Variants in CTNNA2 observed in about 807,000 individuals in gnomAD.
CTNNA2 encodes the protein catenin alpha-2.
CTNNA2 carries 42 observed loss-of-function variants against 101.0 expected under a neutral mutation model. That is an observed-to-expected ratio of 0.42 (90% confidence interval 0.32 to 0.54). The LOEUF (loss-of-function observed/expected upper bound fraction) is 0.54, where lower values mean the gene tolerates loss of function less well. CTNNA2 is among the 20% of genes least tolerant of loss of function. The pLI, the probability that CTNNA2 is intolerant of heterozygous loss-of-function variation, is 0.14. For synonymous variants in CTNNA2, 450 were observed against 456.4 expected (o/e 0.99, Z 0.18); for missense variants, 871 against 1,223.1 (o/e 0.71, Z 4.29).
At chr2:79,888,077 T>C (rs534870932) in intron 6 of CTNNA2, among the ~76,000 whole-genome samples, 1 of 152,168 alleles carries the variant, frequency 6.6e-6, no homozygotes, top group East Asian at 1.9e-4. Flanking sequence ...CGTCAAAAAG[T>C]GTTTAGTCTA....
chr2:80,215,417 T>C (rs1245974469), intron 7 of CTNNA2, among the ~76,000 whole-genome samples: 1 of 152,214 alleles, frequency 6.6e-6, no homozygotes, highest in African/African-American at 2.4e-5. Context: ...TCTTTGATGA[T>C]GGCGATGTAC....
intron 7 of CTNNA2, among the ~76,000 whole-genome samples, chr2:80,308,476 C>A (rs1469837122): frequency 6.6e-6 from 1 of 152,122 alleles, no homozygotes; most frequent in Non-Finnish European, 1.5e-5. Context: ...GTGGGAGTCA[C>A]AATTTCAAAA....
chr2:79,685,761 G>A (rs1238497684), intron 2 of CTNNA2, among the ~76,000 whole-genome samples: 1 of 152,150 alleles, frequency 6.6e-6, no homozygotes, highest in East Asian at 1.9e-4. Flanking sequence ...AGAGCAATTA[G>A]CATTCGCTGC....
chr2:79,697,607 G>A (rs1389776254), intron 2 of CTNNA2, among the ~76,000 whole-genome samples: 1 of 152,028 alleles, frequency 6.6e-6, no homozygotes, highest in African/African-American at 2.4e-5. Flanking sequence ...GTGGCATTAA[G>A]CCAAACTGTG....
chr2:80,374,126 TG>T (rs946434515), intron 7 of CTNNA2, among the ~76,000 whole-genome samples: 1 of 152,156 alleles, frequency 6.6e-6, no homozygotes, highest in African/African-American at 2.4e-5. Flanking sequence ...GTTATATTGA[TG>T]GACTGTATGA....
At chr2:79,514,491 T>C (rs1298735815) in intron 1 of CTNNA2, 1 of 152,246 alleles carries the variant, frequency 6.6e-6, no homozygotes, top group African/African-American at 2.4e-5. Flanking sequence ...GCTGTTGGTT[T>C]TACATCACTT....
chr2:79,838,327 T>C (rs1679546852), intron 3 of CTNNA2, among the ~76,000 whole-genome samples: 1 of 152,078 alleles, frequency 6.6e-6, no homozygotes. Flanking sequence ...GAGGAAAGTA[T>C]GCTGGCCATG....
chr2:79,206,287 GA>G (rs561219212), intron 2 of CTNNA2, among the ~76,000 whole-genome samples: 16,445 of 122,234 alleles, frequency 0.13, 1,076 homozygotes, highest in Non-Finnish European at 0.18. Context: ...GTTTGAATAA[GA>G]AAAAAAAAAA....
intron 2 of CTNNA2, among the ~76,000 whole-genome samples, chr2:79,199,071 T>C (rs564109799): frequency 6.6e-6 from 1 of 152,256 alleles, no homozygotes; most frequent in Admixed American, 6.5e-5. Context: ...ATGAGAATTA[T>C]TCTGCATCAT....
At position 80,303,765 on chromosome 2, in the gene CTNNA2, C is replaced by T; in HGVS notation, c.1057-89446C>T. 6.4e-7 allele frequency: 1 copy of T among 1,570,394 alleles called. No individual in the cohort carries two copies. Among genetic ancestry groups the T allele is most frequent in the Non-Finnish European group, 8.6e-7 (1 of 1,159,462 alleles). On this transcript the variant is annotated intron_variant, in intron 7 of 18. Transcript: ENST00000402739. This position sits in a 1 kb window ranked among gnomAD's most constrained non-coding sequence, Gnocchi z 7.7. ...GCCCCCAGCAGACACAAGACCACCC[C>T]CGAGGGCCTCCTCAGCAGCCAGTAT...
chr2:80,246,015 C>T (rs549225769), intron 7 of CTNNA2, among the ~76,000 whole-genome samples: 59 of 151,952 alleles, frequency 3.9e-4, no homozygotes, highest in Non-Finnish European at 7.2e-4. Flanking sequence ...AGGACGGTCT[C>T]GATCTCCTGA....
intron 2 of CTNNA2, among the ~76,000 whole-genome samples, chr2:79,742,226 T>C (rs1671334774): frequency 6.6e-6 from 1 of 152,064 alleles, no homozygotes; most frequent in African/African-American, 2.4e-5. Context: ...CTCCAGAAAA[T>C]GAACCCACAT....
intron 7 of CTNNA2, among the ~76,000 whole-genome samples, chr2:80,073,634 A>G (rs1485637919): frequency 6.6e-6 from 1 of 151,478 alleles, no homozygotes; most frequent in East Asian, 2.0e-4. Context: ...TTTTGGGCTA[A>G]TGGGTCTCAG....
At chr2:80,282,497 A>T (rs1017692532) in intron 7 of CTNNA2, among the ~76,000 whole-genome samples, 12 of 152,246 alleles carry the variant, frequency 7.9e-5, no homozygotes, top group African/African-American at 2.9e-4. Flanking sequence ...ACAGAAGTAG[A>T]TAGAATAATA....
At chr2:80,390,640 A>G (rs1400566560) in intron 7 of CTNNA2, among the ~76,000 whole-genome samples, 1 of 152,210 alleles carries the variant, frequency 6.6e-6, no homozygotes, top group Non-Finnish European at 1.5e-5. Context: ...AATTTTAGGT[A>G]AACAATAATT....
chr2:79,961,709 C>G (rs1689641655), intron 7 of CTNNA2, among the ~76,000 whole-genome samples: 1 of 151,504 alleles, frequency 6.6e-6, no homozygotes, highest in South Asian at 2.1e-4. Flanking sequence ...GTAGTCCCAG[C>G]TACTCGGGAG....
chr2:80,591,457 G>GTTTTGTTTTTTTTTTTTTT (rs1696486168), intron 15 of CTNNA2, among the ~76,000 whole-genome samples: 1 of 70,314 alleles, frequency 1.4e-5, no homozygotes, highest in African/African-American at 4.6e-5. Flanking sequence ...TGCACAGCCT[G>GTTTTGTTTTTTTTTTTTTT]TTTTTTTTTT....
At chr2:80,522,144 G>A (rs1045442736) in intron 9 of CTNNA2, among the ~76,000 whole-genome samples, 12 of 152,272 alleles carry the variant, frequency 7.9e-5, no homozygotes, top group African/African-American at 2.4e-4. Flanking sequence ...TCTGAACAAA[G>A]GTCATGTCCA....
At chr2:79,665,877 G>A (rs897002055) in intron 2 of CTNNA2, among the ~76,000 whole-genome samples, 6 of 152,196 alleles carry the variant, frequency 3.9e-5, no homozygotes, top group African/African-American at 1.4e-4. Context: ...TGAATATGAT[G>A]TTATTACCAA....
Sources: allele counts gnomAD v4.1 joint callset (sites outside exome capture counted in the v4.1 genomes callset), GRCh38; gene constraint gnomAD v4.1.1; non-coding constraint Gnocchi (gnomAD v3.1); transcripts MANE v1.5; gene names NCBI Gene and HGNC (gene_info 2026-07-23, HGNC 2026-07-21).